The following GADL1 variants were observed in gnomAD, a reference collection of about 807,000 sequenced individuals.
The protein encoded by GADL1 is GAD like acidic amino acid decarboxylase 1, also known as acidic amino acid decarboxylase GADL1.
A neutral mutation model predicts 69.5 loss-of-function variants in GADL1; 71 were observed. That is an observed-to-expected ratio of 1.02 (90% CI 0.84 to 1.25). The LOEUF (loss-of-function observed/expected upper bound fraction) is 1.25, where lower values mean the gene tolerates loss of function less well. Among genes scored for constraint, GADL1 ranks in the 50% most tolerant of loss-of-function variants. The probability of loss-of-function intolerance (pLI) is 0.00; values close to 1 mark genes in which losing one functional copy is unlikely to be tolerated. For synonymous variants in GADL1, 254 were observed against 214.4 expected (o/e 1.18, Z -1.62); for missense variants, 737 against 631.8 (o/e 1.17, Z -1.79).
chr3:30,869,657 C>T (rs1389906), intron 1 of GADL1, among the ~76,000 whole-genome samples: 50,003 of 151,268 alleles, frequency 0.33, 8,762 homozygotes, highest in East Asian at 0.55. Context: ...AAGAGCAAGA[C>T]GAGAATTTTA....
intron 11 of GADL1, among the ~76,000 whole-genome samples, chr3:30,826,394 C>T (rs1697681504): frequency 6.6e-6 from 1 of 151,862 alleles, no homozygotes; most frequent in Non-Finnish European, 1.5e-5. Flanking sequence ...AACAGGCTGG[C>T]TGCCAAGATG....
intron 1 of GADL1, among the ~76,000 whole-genome samples, chr3:30,868,053 G>A (rs932300116): frequency 6.6e-6 from 1 of 151,930 alleles, no homozygotes; most frequent in Non-Finnish European, 1.5e-5. Flanking sequence ...CAGCTGCCCA[G>A]ACCTCCCACC....
chr3:30,883,721 A>G (rs902475988), intron 1 of GADL1, among the ~76,000 whole-genome samples: 2 of 151,998 alleles, frequency 1.3e-5, no homozygotes, highest in Non-Finnish European at 1.5e-5. Flanking sequence ...TTAAATCTGT[A>G]TATTGCTCTG....
At chr3:30,729,644 A>T (rs769263748) in intron 14 of GADL1, among the ~76,000 whole-genome samples, 2 of 152,174 alleles carry the variant, frequency 1.3e-5, no homozygotes, top group Non-Finnish European at 2.9e-5. Context: ...AAGTCAAATG[A>T]CTTCATCTGA....
chr3:30,813,640 C>T (rs373399895), intron 11 of GADL1, among the ~76,000 whole-genome samples: 1 of 152,194 alleles, frequency 6.6e-6, no homozygotes, highest in East Asian at 1.9e-4. Context: ...GAGGTCTGGC[C>T]TCTGAGGCCT....
intron 11 of GADL1, among the ~76,000 whole-genome samples, chr3:30,808,265 G>GT (rs1255231194): frequency 6.6e-6 from 1 of 151,798 alleles, no homozygotes; most frequent in Non-Finnish European, 1.5e-5. Flanking sequence ...GGAGGCCGAG[G>GT]TGGGCAGATC....
At chr3:30,756,802 T>C (rs1174396087) in intron 14 of GADL1, among the ~76,000 whole-genome samples, 1 of 152,164 alleles carries the variant, frequency 6.6e-6, no homozygotes, top group Non-Finnish European at 1.5e-5. Flanking sequence ...CCATAGCTGA[T>C]GGCTTGTCTC....
At chr3:30,810,011 T>C (rs1005021306) in intron 11 of GADL1, among the ~76,000 whole-genome samples, 1 of 152,200 alleles carries the variant, frequency 6.6e-6, no homozygotes, top group African/African-American at 2.4e-5. Context: ...TGCTGATACA[T>C]GAGGTGCTTG....
At chr3:30,806,552 G>A (rs1032573716) in intron 11 of GADL1, among the ~76,000 whole-genome samples, 2 of 152,102 alleles carry the variant, frequency 1.3e-5, no homozygotes, top group African/African-American at 4.8e-5. Context: ...AGATGTAATG[G>A]TAAATAAAAA....
chr3:30,827,056 C>T (rs564433424), intron 11 of GADL1, among the ~76,000 whole-genome samples: 1 of 151,950 alleles, frequency 6.6e-6, no homozygotes, highest in Non-Finnish European at 1.5e-5. Context: ...TGCTTTGAGA[C>T]TTGAAAGATC....
intron 11 of GADL1, among the ~76,000 whole-genome samples, chr3:30,810,287 T>C (rs72849845): frequency 0.056 from 8,589 of 152,238 alleles, 567 homozygotes; most frequent in African/African-American, 0.15. Flanking sequence ...TTAATTGATA[T>C]AATGCTTTTA....
intron 11 of GADL1, among the ~76,000 whole-genome samples, chr3:30,822,174 T>G (rs918999435): frequency 6.6e-6 from 1 of 152,086 alleles, no homozygotes; most frequent in African/African-American, 2.4e-5. Flanking sequence ...AATAGATGGC[T>G]GGATGATATT....
chr3:30,850,193 T>A, intron 5 of GADL1, 82 bp from the exon 6 acceptor site: 1 of 751,866 alleles, frequency 1.3e-6, no homozygotes, highest in African/African-American at 1.7e-5. Context: ...AAAGCATGAA[T>A]GGCCATGACT....
At position 30,778,269 on chromosome 3, in the gene GADL1, CT is replaced by C; in HGVS notation, c.1303-2del. The stretch of plus-strand genomic sequence containing the variant: ...AAAAGCAAATATTGGCATATTCAGG[CT>C]GAGAATTAGAAAAAATATAAAGTTG... On this transcript the variant is annotated splice_acceptor_variant, in intron 13 of 14. Transcript: ENST00000282538. LOFTEE classifies it high-confidence loss of function. 6.3e-7 allele frequency: 1 copy of C among 1,586,334 alleles called. No homozygotes were observed. Among genetic ancestry groups the C allele is most frequent in the Non-Finnish European group, 8.6e-7 (1 of 1,157,676 alleles).
At chr3:30,790,878 A>G (rs1020583709) in intron 12 of GADL1, among the ~76,000 whole-genome samples, 2 of 152,176 alleles carry the variant, frequency 1.3e-5, no homozygotes, top group African/African-American at 4.8e-5. Context: ...ACATAATGTA[A>G]TATGCAGCTA....
chr3:30,862,422 G>T (rs4955344), intron 1 of GADL1, among the ~76,000 whole-genome samples: 31,315 of 151,820 alleles, frequency 0.21, 3,749 homozygotes, highest in East Asian at 0.51. Context: ...ATACAATAGT[G>T]GTTTTAACTT....
intron 14 of GADL1, among the ~76,000 whole-genome samples, chr3:30,738,120 A>C (rs1487372454): frequency 6.6e-6 from 1 of 152,212 alleles, no homozygotes; most frequent in African/African-American, 2.4e-5. Flanking sequence ...CTCAGCAGCC[A>C]CCTGAGCTAA....
intron 14 of GADL1, among the ~76,000 whole-genome samples, chr3:30,753,551 TTC>T (rs1303744088): frequency 1.3e-5 from 2 of 152,200 alleles, no homozygotes; most frequent in Admixed American, 6.5e-5. Context: ...GTTCTTGCTA[TTC>T]TGTCATTGAG....
At chr3:30,805,573 A>G (rs961945249) in intron 11 of GADL1, among the ~76,000 whole-genome samples, 1 of 152,076 alleles carries the variant, frequency 6.6e-6, no homozygotes, top group African/African-American at 2.4e-5. Context: ...ATATTCACTC[A>G]TTATGTGAAA....
Sources: allele counts gnomAD v4.1 joint callset (sites outside exome capture counted in the v4.1 genomes callset), GRCh38; gene constraint gnomAD v4.1.1; transcripts MANE v1.5; gene names NCBI Gene and HGNC (gene_info 2026-07-23, HGNC 2026-07-21).